The following MAP3K2 variants were observed in gnomAD, a reference collection of about 807,000 sequenced individuals.
MAP3K2 encodes MAP/ERK kinase kinase 2.
MAP3K2 carries 24 observed loss-of-function variants against 80.3 expected under a neutral mutation model. That is an observed-to-expected ratio of 0.30 (90% CI 0.22 to 0.42). MAP3K2 has a LOEUF of 0.42. Among genes scored for constraint, MAP3K2 ranks in the 10% least tolerant of loss-of-function variants. The pLI is 1.00. For synonymous variants in MAP3K2, 244 were observed against 253.7 expected (o/e 0.96, Z 0.36); for missense variants, 608 against 750.1 (o/e 0.81, Z 2.21).
At chr2:127,327,172 T>G (rs557988276) in intron 7 of MAP3K2, among the ~76,000 whole-genome samples, 118 of 152,314 alleles carry the variant, frequency 7.7e-4, no homozygotes, top group African/African-American at 2.8e-3. Flanking sequence ...TTTTACTTGG[T>G]TCTGTGGAAA....
At chr2:127,349,932 T>TGTA (rs1686663317) in intron 1 of MAP3K2, among the ~76,000 whole-genome samples, 1 of 152,088 alleles carries the variant, frequency 6.6e-6, no homozygotes, top group Admixed American at 6.5e-5. Flanking sequence ...TGATGTGCAG[T>TGTA]GGTACTATCA....
At chr2:127,324,284 A>G (rs957929741) in intron 9 of MAP3K2, 43 bp from the exon 10 acceptor site, 2 of 1,175,458 alleles carry the variant, frequency 1.7e-6, no homozygotes. Flanking sequence ...GAAAGAACGT[A>G]AGACATTAAA....
intron 1 of MAP3K2, among the ~76,000 whole-genome samples, chr2:127,370,894 C>G (rs895981361): frequency 6.6e-6 from 1 of 152,096 alleles, no homozygotes; most frequent in Admixed American, 6.5e-5. Context: ...AAAGAGGAAA[C>G]GGAGGTTTTG....
chr2:127,348,669 T>C (rs1227180910), intron 1 of MAP3K2, among the ~76,000 whole-genome samples: 2 of 152,126 alleles, frequency 1.3e-5, no homozygotes, highest in African/African-American at 4.8e-5. Context: ...GCAGTGGTGA[T>C]GGTTGCACAA....
chr2:127,371,226 A>G (rs559649322), intron 1 of MAP3K2, among the ~76,000 whole-genome samples: 1 of 152,290 alleles, frequency 6.6e-6, no homozygotes, highest in South Asian at 2.1e-4. Flanking sequence ...TACCTCCTCT[A>G]GAGGGCAGAA....
Position 127,314,883 on chromosome 2 carries a change from C to T in MAP3K2, c.1327G>A (p.Gly443Ser), listed in dbSNP as rs749846597. The T allele has an allele frequency of 6.3e-6, 10 of 1,596,192 alleles. No individual in the cohort carries two copies. In the Admixed American group the frequency reaches 1.8e-4, roughly 29 times the overall value. ...GCTTTTAATTGGTCCTTAATTGAAC[C>T]CTAGGAGAAAAGAAAACAAAAATAA... ...LSIFMEYMPG[G>S]SIKDQLKAYG... Residue 443 changes from glycine to serine, a missense_variant and splice_region_variant, in exon 15 of 17, where the codon GGT (glycine) becomes AGT (serine). Coordinates refer to ENST00000682094, the MANE Select transcript of MAP3K2 (RefSeq NM_001371910.2).
chr2:127,361,560 C>T (rs1458897983), intron 1 of MAP3K2, among the ~76,000 whole-genome samples: 2 of 152,120 alleles, frequency 1.3e-5, no homozygotes, highest in Non-Finnish European at 2.9e-5. Context: ...CCTGCACATC[C>T]TCAGAAAGGC....
Position 127,317,695 on chromosome 2 carries a change from C to T in MAP3K2, c.1260G>A (p.Gln420=), listed in dbSNP as rs141046690. The change falls in exon 14 of 17, where the codon CAG becomes CAA. Residue 420 remains glutamine (Q), a synonymous_variant. Coordinates refer to ENST00000682094, the MANE Select transcript of MAP3K2 (RefSeq NM_001371910.2). Reference sequence around the variant, plus strand: ...GGGGATCCCTCAAACAGCCATAATACTGAACAATTCGCTCATGTAGCAAGT... The same window carrying T: ...GGGGATCCCTCAAACAGCCATAATATTGAACAATTCGCTCATGTAGCAAGT... ...LKNLLHERIV[Q]YYGCLRDPQE... 6.3e-7 allele frequency: 1 copy of T among 1,597,592 alleles called. No individual in the cohort carries two copies. Among genetic ancestry groups the T allele is most frequent in the South Asian group, 1.1e-5 (1 of 88,430 alleles).
chr2:127,368,117 T>C (rs894126943), intron 1 of MAP3K2, among the ~76,000 whole-genome samples: 1 of 148,954 alleles, frequency 6.7e-6, no homozygotes, highest in African/African-American at 2.5e-5. Flanking sequence ...AGGTCAGCAG[T>C]TTGAGACCAG....
intron 9 of MAP3K2, 77 bp from the exon 10 acceptor site, chr2:127,324,318 ATATC>A (rs1314741851): frequency 8.5e-6 from 7 of 823,244 alleles, no homozygotes; most frequent in East Asian, 2.7e-5. Flanking sequence ...AGCAATATCT[ATATC>A]TATCTGTGCC....
At chr2:127,318,738 G>A (rs1463005865) in intron 12 of MAP3K2, among the ~76,000 whole-genome samples, 1 of 152,068 alleles carries the variant, frequency 6.6e-6, no homozygotes, top group African/African-American at 2.4e-5. Flanking sequence ...GAGAAATCTG[G>A]GTAATCTACA....
chr2:127,350,454 C>CAAAAAAAAAAAAA (rs752516255), intron 1 of MAP3K2, among the ~76,000 whole-genome samples: 128 of 99,310 alleles, frequency 1.3e-3, no homozygotes, highest in African/African-American at 1.7e-3. Flanking sequence ...AAAACAAAAA[C>CAAAAAAAAAAAAA]AAAAAAAAAA....
chr2:127,299,101 T>A lies in MAP3K2; in HGVS notation c.*8478A>T, dbSNP rs1264989438. On this transcript the variant is annotated 3_prime_UTR_variant, in exon 17 of 17. Transcript: ENST00000682094. ...TTGCACGTACCACACTGTATCTGGC[T>A]TCTGGTAGGTTTTCCTAATCACACT... The A allele has an allele frequency of 6.6e-6, 1 of 152,210 alleles. No homozygotes were observed. The highest frequency in any genetic ancestry group is 1.5e-5 in the Non-Finnish European group (1 of 68,040). 9.4% of individuals were successfully genotyped at this position (152,210 alleles called of 1,614,324 possible). A position where few individuals can be genotyped will look rare whatever the true frequency, so the allele number is the denominator to read the frequency against.
At chr2:127,337,954 A>G (rs1464911708) in intron 3 of MAP3K2, among the ~76,000 whole-genome samples, 176 bp from the exon 4 acceptor site, 1 of 152,216 alleles carries the variant, frequency 6.6e-6, no homozygotes, top group East Asian at 1.9e-4. Flanking sequence ...GTGTCTGCTA[A>G]AAAGTTGAGA....
intron 3 of MAP3K2, 31 bp downstream of exon 3, chr2:127,338,901 T>G: frequency 7.2e-7 from 1 of 1,392,214 alleles, no homozygotes; most frequent in Non-Finnish European, 9.9e-7. Context: ...AGGAAAGTAA[T>G]TCATAAAAAA....
chr2:127,384,034 C>T (rs1319279789), intron 1 of MAP3K2, among the ~76,000 whole-genome samples: 2 of 151,684 alleles, frequency 1.3e-5, no homozygotes, highest in South Asian at 2.1e-4. Flanking sequence ...CCACCATGCC[C>T]GGCTAGTGGT....
intron 14 of MAP3K2, 84 bp from the exon 15 acceptor site, chr2:127,314,967 G>A: frequency 1.1e-6 from 1 of 948,300 alleles, no homozygotes; most frequent in Non-Finnish European, 1.6e-6. Flanking sequence ...AGTAAAGAGG[G>A]CAGGAATTCT....
At chr2:127,377,371 G>C (rs1030818733) in intron 1 of MAP3K2, among the ~76,000 whole-genome samples, 3 of 148,424 alleles carry the variant, frequency 2.0e-5, no homozygotes, top group African/African-American at 4.9e-5. Context: ...ATTTAGAATA[G>C]CATCTAAATT....
intron 1 of MAP3K2, among the ~76,000 whole-genome samples, chr2:127,369,548 C>A (rs1021284663): frequency 6.7e-6 from 1 of 148,282 alleles, no homozygotes; most frequent in Non-Finnish European, 1.5e-5. Flanking sequence ...GATCTCTTTC[C>A]AAAGACTAAT....
Sources: allele counts gnomAD v4.1 joint callset (sites outside exome capture counted in the v4.1 genomes callset), GRCh38; gene constraint gnomAD v4.1.1; transcripts MANE v1.5; gene names NCBI Gene and HGNC (gene_info 2026-07-23, HGNC 2026-07-21).